MKRN2OS: variants seen among roughly 807,000 people sequenced by gnomAD.
MKRN2OS encodes the protein MKRN2 opposite strand.
Under a neutral mutation model 18.2 loss-of-function variants are expected in MKRN2OS, and 17 were observed. That is an observed-to-expected ratio of 0.93 (90% CI 0.64 to 1.40). The LOEUF (loss-of-function observed/expected upper bound fraction) is 1.40. Ranked by LOEUF, MKRN2OS falls within the 40% of genes most tolerant of loss-of-function variation. The pLI, the probability that MKRN2OS is intolerant of heterozygous loss-of-function variation, is 0.00. For synonymous variants in MKRN2OS, 121 were observed against 108.5 expected, an observed-to-expected ratio of 1.12 and a Z score of -0.72; for missense variants, 337 against 283.0, an observed-to-expected ratio of 1.19 and a Z score of -1.37.
chr3:12,541,889 GAA>G lies in MKRN2OS; in HGVS notation c.400_401del (p.Phe134LeufsTer12), dbSNP rs138285180. 2 of 1,536,016 alleles carry G rather than the reference GAA, an allele frequency of 1.3e-6. No homozygotes were observed. Among genetic ancestry groups the G allele is most frequent in the East Asian group, 4.9e-5 (2 of 40,908 alleles). ...GAGGCAGCCAGGCCCCCGAGGTGGA[GAA>G]GTCTTCCAGGTACTTGTCCCATTGC... ...MEQWDKYLEDFSTSGAWLPHR... is the reference protein window; with the variant it reads ...MEQWDKYLEDXSTSGAWLPHR... On this transcript the variant is annotated frameshift_variant, in exon 3 of 4. Coordinates refer to ENST00000564146, the MANE Select transcript of MKRN2OS (RefSeq NM_001195279.2). LOFTEE classifies it low-confidence loss of function (END_TRUNC).
In MKRN2OS at chr3:12,540,161, C is replaced by A. The variant is rs1237237270; in HGVS notation, c.*32G>T. 3 of 1,535,646 alleles carry A rather than the reference C, an allele frequency of 2.0e-6. No individual in the cohort carries two copies. The stretch of plus-strand genomic sequence containing the variant: ...TGATTAAAGGTAGCAACCACCCTAC[C>A]CTCCAGCGTCCAGGCTGCGCTTACA... On this transcript the variant is annotated 3_prime_UTR_variant, in exon 4 of 4. Transcript: ENST00000564146.
chr3:12,557,049 G>C, intron 1 of MKRN2OS: 1 of 1,274,690 alleles, frequency 7.8e-7, no homozygotes, highest in South Asian at 2.3e-5. Flanking sequence ...GCGTGCGCCG[G>C]CGTGACGCGG....
upstream of MKRN2OS, among the ~76,000 whole-genome samples, chr3:12,549,913 G>T (rs553701499): frequency 4.1e-4 from 62 of 152,280 alleles, 1 homozygote; most frequent in African/African-American, 1.5e-3. Flanking sequence ...CTCTCACCTA[G>T]TAGAATGGCT....
upstream of MKRN2OS, among the ~76,000 whole-genome samples, chr3:12,546,575 A>ATTTTTTTTTTTTTTTTTT (rs1160434615): frequency 1.8e-4 from 17 of 97,102 alleles, 1 homozygote; most frequent in African/African-American, 7.5e-4. Context: ...GGTACATGGG[A>ATTTTTTTTTTTTTTTTTT]TTTTTTTTTT....
At position 12,540,331 on chromosome 3, in the gene MKRN2OS, C is replaced by T. The variant is rs545588894; in HGVS notation, c.534G>A (p.Thr178=). Residue 178 remains threonine (T), a synonymous_variant, in exon 4 of 4, where the codon ACG becomes ACA. Coordinates refer to ENST00000564146, the MANE Select transcript of MKRN2OS (RefSeq NM_001195279.2). ...GRQQLDKGEF[T]EKYVVPRTRL... ...TTGTCCGCGGGACCACGTACTTCTC[C>T]GTAAATTCACCCTTGTCCAGTTGCT... 2.0e-5 allele frequency: 31 copies of T among 1,536,078 alleles called. No homozygotes were observed. In the Admixed American group the frequency reaches 2.7e-4, roughly 14 times the overall value.
Position 12,545,450 on chromosome 3 carries a change from C to A in MKRN2OS, c.15G>T (p.Glu5Asp). 6.5e-7 allele frequency: 1 copy of A among 1,532,570 alleles called. No individual in the cohort carries two copies. The highest frequency in any genetic ancestry group is 1.2e-5 in the South Asian group (1 of 83,700). 94.9% of individuals were successfully genotyped at this position (1,532,570 alleles called of 1,614,324 possible). A position where few individuals can be genotyped will look rare whatever the true frequency, so the allele number is the denominator to read the frequency against. The change falls in exon 1 of 4, where the codon GAG (glutamate) becomes GAT (aspartate). Residue 5 changes from glutamate (E) to aspartate (D), a missense_variant. Physicochemically the swap from Glu to Asp is conservative, Grantham distance 45. Coordinates refer to ENST00000564146, the MANE Select transcript of MKRN2OS (RefSeq NM_001195279.2). MHCA[E>D]AGKALIKFNH... ...TGAATTTAATTAAAGCCTTCCCAGCCTCTGCGCAGTGCATAGCTTTCGCCT... is the reference window on the plus strand; with the variant it reads ...TGAATTTAATTAAAGCCTTCCCAGCATCTGCGCAGTGCATAGCTTTCGCCT...
At chr3:12,548,447 C>CAAAAAAAAA (rs1215377576), upstream of MKRN2OS, among the ~76,000 whole-genome samples, 1 of 20,108 alleles carries the variant, frequency 5.0e-5, no homozygotes, top group Non-Finnish European at 8.3e-5. Flanking sequence ...GACTCCGTCT[C>CAAAAAAAAA]AAAAAAAAAA....
At chr3:12,549,809 T>C (rs1302123283), upstream of MKRN2OS, among the ~76,000 whole-genome samples, 1 of 152,230 alleles carries the variant, frequency 6.6e-6, no homozygotes, top group African/African-American at 2.4e-5. Flanking sequence ...TACATCAGGC[T>C]CACAAAATGC....
intron 1 of MKRN2OS, among the ~76,000 whole-genome samples, chr3:12,555,689 T>G (rs2057963075): frequency 6.6e-6 from 1 of 152,200 alleles, no homozygotes; most frequent in Non-Finnish European, 1.5e-5. Flanking sequence ...CAATGACCTT[T>G]GTAAAGTATT....
upstream of MKRN2OS, among the ~76,000 whole-genome samples, chr3:12,547,582 G>T (rs2057895800): frequency 6.6e-6 from 1 of 152,108 alleles, no homozygotes; most frequent in South Asian, 2.1e-4. Flanking sequence ...ATACTGTTTT[G>T]AAATTTGTGT....
At position 12,541,986 on chromosome 3, in the gene MKRN2OS, C is replaced by G. The variant is rs556445854; in HGVS notation, c.305G>C (p.Arg102Pro). 6.5e-7 allele frequency: 1 copy of G among 1,535,926 alleles called. No individual in the cohort carries two copies. Among genetic ancestry groups the G allele is most frequent in the Non-Finnish European group, 8.7e-7 (1 of 1,146,874 alleles). The change falls in exon 3 of 4, where the codon CGA becomes CCA. Residue 102 changes from arginine (R) to proline (P), a missense_variant. Physicochemically the swap from Arg to Pro is moderately radical, Grantham distance 103 (BLOSUM62 -2). Coordinates refer to ENST00000564146, the MANE Select transcript of MKRN2OS (RefSeq NM_001195279.2). ...VYNYSAHGVQ[R>P]DGEGWEESIS... Reference sequence around the variant, plus strand: ...GCTCTCTTCCCACCCTTCTCCGTCTCGCTGGACACCATGTGCACTGTAATT... The same window carrying G: ...GCTCTCTTCCCACCCTTCTCCGTCTGGCTGGACACCATGTGCACTGTAATT...
chr3:12,557,931 T>C (rs1309570188), intron 1 of MKRN2OS, among the ~76,000 whole-genome samples: 9 of 152,262 alleles, frequency 5.9e-5, no homozygotes, highest in African/African-American at 1.9e-4. Context: ...CGACTGCTCC[T>C]ATGAAATAGA....
downstream of MKRN2OS, among the ~76,000 whole-genome samples, chr3:12,551,465 A>C (rs916716981): frequency 2.0e-5 from 3 of 151,998 alleles, no homozygotes; most frequent in African/African-American, 7.3e-5. Flanking sequence ...TCTGCACTCC[A>C]GCCTGGGCAA....
In MKRN2OS at chr3:12,557,191, G is replaced by A. The variant is rs752518463; in HGVS notation, n.265-3057C>T. ...ATCACTTGCAGGTCAGTGCGCTGGA[G>A]CCAGGAGCTTCGGGCCGCTCCCCCA... On this transcript the variant is annotated intron_variant and non_coding_transcript_variant, in intron 1 of 1. Transcript: ENST00000447550. The A allele has an allele frequency of 1.2e-5, 18 of 1,534,788 alleles. No homozygotes were observed. In the South Asian group the frequency reaches 2.1e-4, roughly 18 times the overall value.
chr3:12,549,117 A>G (rs913350411), upstream of MKRN2OS, among the ~76,000 whole-genome samples: 3 of 151,802 alleles, frequency 2.0e-5, no homozygotes, highest in African/African-American at 7.3e-5. Flanking sequence ...TGTATTTTTA[A>G]TAGAGATGGG....
At chr3:12,547,533 AAC>A (rs1368333942), upstream of MKRN2OS, among the ~76,000 whole-genome samples, 1 of 152,178 alleles carries the variant, frequency 6.6e-6, no homozygotes, top group Non-Finnish European at 1.5e-5. Flanking sequence ...ACAAGAGAAA[AAC>A]AGAACAAAAC....
intron 3 of MKRN2OS, among the ~76,000 whole-genome samples, chr3:12,541,031 A>G (rs2057800500): frequency 6.6e-6 from 1 of 151,844 alleles, no homozygotes; most frequent in South Asian, 2.1e-4. Context: ...TTGAACTTCT[A>G]GAGTTTAGAG....
chr3:12,550,895 T>A (rs1439556340), downstream of MKRN2OS, among the ~76,000 whole-genome samples: 1 of 152,190 alleles, frequency 6.6e-6, no homozygotes, highest in Non-Finnish European at 1.5e-5. Flanking sequence ...TCGAATACAT[T>A]CCCTAGTGGG....
chr3:12,547,341 C>T (rs566816810), upstream of MKRN2OS, among the ~76,000 whole-genome samples: 9 of 151,908 alleles, frequency 5.9e-5, no homozygotes, highest in Middle Eastern at 3.4e-3. Context: ...CCCAGGAGTT[C>T]AAGACCAGCC....
Sources: gnomAD v4.1 joint callset for allele counts (sites outside exome capture counted in the v4.1 genomes callset) on GRCh38, gnomAD v4.1.1 for gene constraint, MANE v1.5 for transcripts, NCBI Gene and HGNC (gene_info 2026-07-23, HGNC 2026-07-21) for gene names.